LRRC18: variants seen among roughly 807,000 people sequenced by gnomAD.
LRRC18 encodes leucine rich repeat containing 18.
Under a neutral mutation model 11.2 loss-of-function variants are expected in LRRC18, and 12 were observed. The ratio of observed to expected loss-of-function variants is 1.07; its 90% CI spans 0.69 to 1.74. LRRC18 has a LOEUF of 1.74. Ranked by LOEUF, LRRC18 falls within the 40% of genes most tolerant of loss-of-function variation. LRRC18 has a pLI of 0.00. For synonymous variants in LRRC18, 155 were observed against 130.6 expected (o/e 1.19, Z -1.27); for missense variants, 374 against 330.5 (o/e 1.13, Z -1.02).
the LRRC18 span, among the ~76,000 whole-genome samples, chr10:48,920,537 G>GA: frequency 2.0e-5 from 3 of 150,470 alleles, no homozygotes; most frequent in South Asian, 2.1e-4. Flanking sequence ...TGAAAAAAAA[G>GA]AAAAAAAAAG....
chr10:48,915,543 T>C (rs1393238545), upstream of LRRC18, among the ~76,000 whole-genome samples: 2 of 152,156 alleles, frequency 1.3e-5, no homozygotes, highest in Non-Finnish European at 2.9e-5. Context: ...CTGTACTTCA[T>C]CACCTGTACC....
chr10:48,932,778 G>A, the LRRC18 span, among the ~76,000 whole-genome samples: 369 of 152,304 alleles, frequency 2.4e-3, 1 homozygote, highest in Non-Finnish European at 4.0e-3. Flanking sequence ...TATCGGTGGG[G>A]ACGTTGCTAA....
chr10:48,930,963 G>A, the LRRC18 span, among the ~76,000 whole-genome samples: 1 of 152,022 alleles, frequency 6.6e-6, no homozygotes, highest in Admixed American at 6.5e-5. Context: ...CTCTCTGAAG[G>A]GACGGTACTG....
intron 1 of LRRC18, chr10:48,910,861 AC>A: frequency 6.2e-6 from 6 of 973,582 alleles, no homozygotes; most frequent in Middle Eastern, 5.3e-4. Context: ...GAGGACGTGG[AC>A]CAGCAAACCC....
At chr10:48,918,061 G>A (rs1295516508), upstream of LRRC18, among the ~76,000 whole-genome samples, 1 of 151,920 alleles carries the variant, frequency 6.6e-6, no homozygotes, top group Non-Finnish European at 1.5e-5. Flanking sequence ...AATCCTCAGA[G>A]CAATCACTAA....
the LRRC18 span, among the ~76,000 whole-genome samples, chr10:48,934,867 T>G: frequency 6.6e-6 from 1 of 152,126 alleles, no homozygotes; most frequent in Non-Finnish European, 1.5e-5. Flanking sequence ...GGATCCCGTG[T>G]GATCCCCAAA....
chr10:48,929,758 C>A, the LRRC18 span, among the ~76,000 whole-genome samples: 1 of 152,284 alleles, frequency 6.6e-6, no homozygotes, highest in South Asian at 2.1e-4. Flanking sequence ...GTCCCAAGCC[C>A]AGCTCCCAGC....
At chr10:48,925,240 G>A in the LRRC18 span, among the ~76,000 whole-genome samples, 4 of 152,318 alleles carry the variant, frequency 2.6e-5, no homozygotes, top group Non-Finnish European at 2.9e-5. Flanking sequence ...AGTGGCTTCA[G>A]ATCACTCTGT....
chr10:48,923,777 G>C, the LRRC18 span, among the ~76,000 whole-genome samples: 3 of 152,164 alleles, frequency 2.0e-5, no homozygotes, highest in Admixed American at 2.0e-4. Flanking sequence ...AGATTCCCCT[G>C]AACACCAAAA....
At chr10:48,914,547 A>G (rs1019391816), upstream of LRRC18, among the ~76,000 whole-genome samples, 2 of 152,146 alleles carry the variant, frequency 1.3e-5, no homozygotes, top group East Asian at 3.9e-4. Flanking sequence ...CCCAACCCAG[A>G]GCCATGTGTG....
At chr10:48,912,615 C>T (rs781242137) in intron 1 of LRRC18, among the ~76,000 whole-genome samples, 49 of 152,250 alleles carry the variant, frequency 3.2e-4, no homozygotes, top group Middle Eastern at 6.3e-3. Context: ...ACGGCCCCTG[C>T]ACCTAGCATG....
chr10:48,921,529 T>G, the LRRC18 span, among the ~76,000 whole-genome samples: 5 of 152,132 alleles, frequency 3.3e-5, no homozygotes, highest in Non-Finnish European at 7.4e-5. Context: ...GAGAAAATCT[T>G]CATGACTTTG....
chr10:48,910,814 A>G (rs1369428465), intron 1 of LRRC18: 2 of 651,842 alleles, frequency 3.1e-6, no homozygotes, highest in African/African-American at 4.0e-5. Context: ...GGTGTTGAGG[A>G]CCAAGCATGG....
chr10:48,910,354 C>T, intron 1 of LRRC18, 96 bp from the exon 4 acceptor site: 1 of 1,083,026 alleles, frequency 9.2e-7, no homozygotes, highest in Non-Finnish European at 1.4e-6. Flanking sequence ...CAAGGTCATG[C>T]CTGACCTTCA....
chr10:48,938,803 A>G, the LRRC18 span, among the ~76,000 whole-genome samples: 1 of 152,222 alleles, frequency 6.6e-6, no homozygotes, highest in Non-Finnish European at 1.5e-5. Context: ...TGAACTACCC[A>G]CGACGTCCTG....
At chr10:48,934,714 T>G in the LRRC18 span, among the ~76,000 whole-genome samples, 1 of 152,248 alleles carries the variant, frequency 6.6e-6, no homozygotes, top group African/African-American at 2.4e-5. Context: ...TCTGCTGGGC[T>G]GGACCCTCCT....
the LRRC18 span, among the ~76,000 whole-genome samples, chr10:48,931,948 T>C: frequency 6.6e-6 from 1 of 152,180 alleles, no homozygotes; most frequent in Non-Finnish European, 1.5e-5. Flanking sequence ...CACATGTTAG[T>C]CATGCCGGCT....
At chr10:48,916,871 ATGTGTGTGTGTGTG>A (rs55891907), upstream of LRRC18, among the ~76,000 whole-genome samples, 29,509 of 149,334 alleles carry the variant, frequency 0.2, 3,178 homozygotes, top group Non-Finnish European at 0.26. Flanking sequence ...CTTTAAAAAT[ATGTGTGTGTGTGTG>A]TGTGTGTGTG....
the LRRC18 span, among the ~76,000 whole-genome samples, chr10:48,933,901 A>G: frequency 1.3e-5 from 2 of 152,116 alleles, no homozygotes; most frequent in Admixed American, 6.5e-5. Context: ...ATACTGGGTA[A>G]CAGTGAGAGA....
Sources: gnomAD v4.1 joint callset for allele counts (sites outside exome capture counted in the v4.1 genomes callset) on GRCh38, gnomAD v4.1.1 for gene constraint, MANE v1.5 for transcripts, NCBI Gene and HGNC (gene_info 2026-07-23, HGNC 2026-07-21) for gene names.